Variants in NDFIP2 observed in about 807,000 individuals in gnomAD.
NDFIP2 encodes NEDD4 family-interacting protein 2.
Under a neutral mutation model 36.0 loss-of-function variants are expected in NDFIP2, and 19 were observed. That is an observed-to-expected ratio of 0.53 (90% CI 0.37 to 0.77). The LOEUF is 0.77. NDFIP2 is among the 30% of genes least tolerant of loss of function. The pLI is 0.00. For synonymous variants in NDFIP2, 181 were observed against 167.7 expected, an observed-to-expected ratio of 1.08 and a Z score of -0.61; for missense variants, 446 against 435.8, an observed-to-expected ratio of 1.02 and a Z score of -0.21.
intron 1 of NDFIP2, among the ~76,000 whole-genome samples, chr13:79,516,359 T>G (rs1484413237): frequency 2.0e-5 from 3 of 152,140 alleles, no homozygotes; most frequent in African/African-American, 7.2e-5. Context: ...GCTCAGGTTA[T>G]CCTCCTGCCT....
chr13:79,513,772 C>T (rs898208007), intron 1 of NDFIP2, among the ~76,000 whole-genome samples: 10 of 151,526 alleles, frequency 6.6e-5, no homozygotes, highest in Middle Eastern at 3.4e-3. Context: ...ATGTTCAGAT[C>T]GCATTGACCT....
At position 79,482,169 on chromosome 13, in the gene NDFIP2, C is replaced by CTTTT. The variant is rs10558361; in HGVS notation, c.321+668_321+671dup. On this transcript the variant is annotated intron_variant, in intron 1 of 7. Coordinates refer to ENST00000218652, the MANE Select transcript of NDFIP2 (RefSeq NM_019080.3). Reference sequence around the variant, plus strand: ...CCACTTTTTCTTTCTTTCTTTCTTTCTTTTTTTTTTTTTTTTTTTTTTTTT... The same window carrying CTTTT: ...CCACTTTTTCTTTCTTTCTTTCTTTCTTTTTTTTTTTTTTTTTTTTTTTTTTTTT... 8.4e-3 allele frequency among the ~76,000 whole-genome samples: 637 copies of CTTTT among 75,842 alleles called. 2 individuals are homozygous for CTTTT. The highest frequency in any genetic ancestry group is 0.012 in the Non-Finnish European group (469 of 40,368). The allele number at this position is 75,842 out of a possible 152,430, so 49.8% of individuals were successfully genotyped here. A position where few individuals can be genotyped will look rare whatever the true frequency, so the allele number is the denominator to read the frequency against.
intron 1 of NDFIP2, among the ~76,000 whole-genome samples, chr13:79,501,506 A>G (rs558186333): frequency 1.4e-4 from 21 of 152,112 alleles, no homozygotes; most frequent in Non-Finnish European, 2.6e-4. Flanking sequence ...TTGGTGAATC[A>G]GTATAGGGGG....
Position 79,534,373 on chromosome 13 carries a change from T to G in NDFIP2, c.621+917T>G, listed in dbSNP as rs554032434. ...CTGTTTTTTTTTTTTTTTTTTTTTTTGATAACATTCTACTCTAGAATTTTG... is the reference window on the plus strand; with the variant it reads ...CTGTTTTTTTTTTTTTTTTTTTTTTGGATAACATTCTACTCTAGAATTTTG... On this transcript the variant is annotated intron_variant, in intron 3 of 7. Coordinates refer to ENST00000218652, the MANE Select transcript of NDFIP2 (RefSeq NM_019080.3). 3.0e-3 allele frequency among the ~76,000 whole-genome samples: 450 copies of G among 148,596 alleles called. 1 individual carries two copies. The highest frequency in any genetic ancestry group is 0.01 in the African/African-American group (409 of 40,314).
At chr13:79,517,537 A>G (rs769938361) in intron 1 of NDFIP2, among the ~76,000 whole-genome samples, 2 of 152,210 alleles carry the variant, frequency 1.3e-5, no homozygotes, top group Non-Finnish European at 2.9e-5. Context: ...AAGATATCAA[A>G]ATTACAGAAT....
intron 1 of NDFIP2, among the ~76,000 whole-genome samples, chr13:79,485,149 C>T (rs1167457806): frequency 2.6e-5 from 4 of 152,080 alleles, no homozygotes; most frequent in Admixed American, 6.5e-5. Context: ...CATATGGATT[C>T]GTGCAGTGGG....
chr13:79,496,684 T>C (rs1319472529), intron 1 of NDFIP2, among the ~76,000 whole-genome samples: 3 of 151,842 alleles, frequency 2.0e-5, no homozygotes, highest in African/African-American at 7.2e-5. Flanking sequence ...AAAAAAACTT[T>C]TAAAGGGTTT....
At chr13:79,519,241 G>C (rs1410075911) in intron 1 of NDFIP2, 1 of 152,102 alleles carries the variant, frequency 6.6e-6, no homozygotes, top group Non-Finnish European at 1.5e-5. Context: ...TAGAGTAACA[G>C]GAATAAATTA....
At chr13:79,537,454 C>T (rs1875286916) in intron 3 of NDFIP2, among the ~76,000 whole-genome samples, 1 of 152,182 alleles carries the variant, frequency 6.6e-6, no homozygotes, top group Admixed American at 6.5e-5. Flanking sequence ...ATATTTTTGC[C>T]ATCACACTGA....
chr13:79,494,123 C>A (rs1566654423), intron 1 of NDFIP2, among the ~76,000 whole-genome samples: 1 of 151,886 alleles, frequency 6.6e-6, no homozygotes, highest in Non-Finnish European at 1.5e-5. Context: ...TCTTACATGT[C>A]CTTGCTTTCC....
intron 2 of NDFIP2, 150 bp from the exon 3 acceptor site, chr13:79,533,173 A>G: frequency 2.2e-6 from 1 of 458,994 alleles, no homozygotes; most frequent in East Asian, 3.9e-5. Context: ...TGATTGTAAT[A>G]GTAATTTATA....
rs10558361 is a variant in NDFIP2 at position 79,482,169 on chromosome 13, C to CTT, written c.321+670_321+671dup. 2.9e-3 allele frequency among the ~76,000 whole-genome samples: 219 copies of CTT among 75,850 alleles called. 8 individuals are homozygous for CTT. Among genetic ancestry groups the CTT allele is most frequent in the African/African-American group, 9.9e-3 (202 of 20,410 alleles). 49.8% of individuals were successfully genotyped at this position (75,850 alleles called of 152,430 possible). A position where few individuals can be genotyped will look rare whatever the true frequency, so the allele number is the denominator to read the frequency against. On this transcript the variant is annotated intron_variant, in intron 1 of 7. Coordinates refer to ENST00000218652, the MANE Select transcript of NDFIP2 (RefSeq NM_019080.3). ...CCACTTTTTCTTTCTTTCTTTCTTTCTTTTTTTTTTTTTTTTTTTTTTTTT... is the reference window on the plus strand; with the variant it reads ...CCACTTTTTCTTTCTTTCTTTCTTTCTTTTTTTTTTTTTTTTTTTTTTTTTTT...
intron 7 of NDFIP2, among the ~76,000 whole-genome samples, chr13:79,552,213 C>G (rs17071599): frequency 0.043 from 6,498 of 151,332 alleles, 480 homozygotes; most frequent in African/African-American, 0.15. Context: ...TTTGCAGACA[C>G]TGGCATTAAG....
At chr13:79,539,080 G>C (rs1398709915) in intron 3 of NDFIP2, among the ~76,000 whole-genome samples, 1 of 152,152 alleles carries the variant, frequency 6.6e-6, no homozygotes, top group Non-Finnish European at 1.5e-5. Context: ...GTAGAAACAT[G>C]ATAGACTTGG....
chr13:79,487,846 T>C (rs1357507988), intron 1 of NDFIP2, among the ~76,000 whole-genome samples: 1 of 152,192 alleles, frequency 6.6e-6, no homozygotes, highest in Non-Finnish European at 1.5e-5. Context: ...TTAATTTTTA[T>C]GCACTGATTT....
At chr13:79,516,479 T>C (rs1469694087) in intron 1 of NDFIP2, among the ~76,000 whole-genome samples, 1 of 152,094 alleles carries the variant, frequency 6.6e-6, no homozygotes, top group Non-Finnish European at 1.5e-5. Flanking sequence ...CATCTTGGCC[T>C]CCCAAAGGGA....
At chr13:79,545,334 G>C (rs1243603297) in intron 5 of NDFIP2, among the ~76,000 whole-genome samples, 2 of 152,162 alleles carry the variant, frequency 1.3e-5, no homozygotes, top group Non-Finnish European at 2.9e-5. Flanking sequence ...CTCAGGTTGA[G>C]AAGGGATTAG....
intron 1 of NDFIP2, among the ~76,000 whole-genome samples, chr13:79,501,687 C>G (rs1873674561): frequency 6.6e-6 from 1 of 152,122 alleles, no homozygotes; most frequent in Non-Finnish European, 1.5e-5. Flanking sequence ...AACCCCTTGA[C>G]TATCATCTGT....
chr13:79,520,782 A>T (rs370549805), intron 1 of NDFIP2, 28 bp from the exon 2 acceptor site: 100 of 1,567,564 alleles, frequency 6.4e-5, no homozygotes, highest in Non-Finnish European at 8.4e-5. Context: ...CATTACATTA[A>T]TGTTTTGTTT....
Sources: allele counts gnomAD v4.1 joint callset (sites outside exome capture counted in the v4.1 genomes callset), GRCh38; gene constraint gnomAD v4.1.1; transcripts MANE v1.5; gene names NCBI Gene and HGNC (gene_info 2026-07-23, HGNC 2026-07-21).